Variants in FBXL17 observed in about 807,000 individuals in gnomAD.
FBXL17 encodes the protein F-box and leucine rich repeat protein 17.
Under a neutral mutation model 66.2 loss-of-function variants are expected in FBXL17, and 22 were observed. The ratio of observed to expected loss-of-function variants is 0.33; its 90% CI spans 0.24 to 0.47. The LOEUF (loss-of-function observed/expected upper bound fraction) is 0.47. Among genes scored for constraint, FBXL17 ranks in the 20% least tolerant of loss-of-function variants. The pLI is 1.00. For missense variants in FBXL17, 878 were observed against 948.2 expected, an observed-to-expected ratio of 0.93 and a Z score of 0.97; for synonymous variants, 474 against 400.5, an observed-to-expected ratio of 1.18 and a Z score of -2.19.
chr5:107,908,301 T>G (rs1749829599), intron 7 of FBXL17, among the ~76,000 whole-genome samples: 1 of 152,162 alleles, frequency 6.6e-6, no homozygotes, highest in Non-Finnish European at 1.5e-5. Flanking sequence ...TGCTAATTTC[T>G]CCAATATTCA....
At chr5:108,301,886 C>A in intron 4 of FBXL17, 1 of 276,492 alleles carries the variant, frequency 3.6e-6, no homozygotes, top group Non-Finnish European at 5.5e-6. Context: ...ATTTTTAACT[C>A]TGATAACAAT....
intron 7 of FBXL17, among the ~76,000 whole-genome samples, chr5:107,942,582 T>G (rs1404403090): frequency 6.6e-6 from 1 of 152,046 alleles, no homozygotes; most frequent in African/African-American, 2.4e-5. Flanking sequence ...GGCTGGAGCT[T>G]TTTCCACTTA....
chr5:108,018,192 T>C (rs866312582), intron 7 of FBXL17, among the ~76,000 whole-genome samples: 14 of 152,152 alleles, frequency 9.2e-5, no homozygotes, highest in Non-Finnish European at 1.6e-4. Context: ...TCTTAAAGGA[T>C]GAATTTCCCG....
At chr5:108,006,895 G>A (rs540642206) in intron 7 of FBXL17, among the ~76,000 whole-genome samples, 1 of 152,176 alleles carries the variant, frequency 6.6e-6, no homozygotes, top group African/African-American at 2.4e-5. Context: ...CTCACTGTAT[G>A]TGGGCTTCAA....
intron 7 of FBXL17, among the ~76,000 whole-genome samples, chr5:107,944,009 TCTGTGCTGTTGCATATG>T (rs1220841103): frequency 2.0e-5 from 3 of 152,188 alleles, no homozygotes; most frequent in Non-Finnish European, 4.4e-5. Context: ...ACTTTGTCCT[TCTGTGCTGTTGCATATG>T]CTGTGCATTT....
At chr5:107,952,689 A>G (rs999614081) in intron 7 of FBXL17, among the ~76,000 whole-genome samples, 23 of 152,238 alleles carry the variant, frequency 1.5e-4, no homozygotes, top group Non-Finnish European at 2.9e-4. Flanking sequence ...GGAGTAAGTA[A>G]TCAGAGATTG....
intron 4 of FBXL17, among the ~76,000 whole-genome samples, chr5:108,269,181 T>A (rs1757164618): frequency 6.6e-6 from 1 of 152,050 alleles, no homozygotes; most frequent in South Asian, 2.1e-4. Flanking sequence ...AGGAATTCCA[T>A]CTTGTGCTTT....
intron 6 of FBXL17, among the ~76,000 whole-genome samples, chr5:108,022,263 C>T (rs1223208252): frequency 6.6e-6 from 1 of 151,810 alleles, no homozygotes; most frequent in South Asian, 2.1e-4. Context: ...AAACTTAAAA[C>T]AGCAACACAA....
chr5:107,898,240 TAAACACTTTTAGTGAAAAAGGA>T (rs1749447539), intron 7 of FBXL17, among the ~76,000 whole-genome samples: 1 of 152,194 alleles, frequency 6.6e-6, no homozygotes, highest in East Asian at 1.9e-4. Context: ...ATTGGTACCA[TAAACACTTTTAGTGAAAAAGGA>T]AAACAGACAA....
chr5:107,866,804 C>G (rs1748289248), intron 8 of FBXL17, among the ~76,000 whole-genome samples: 1 of 151,814 alleles, frequency 6.6e-6, no homozygotes, highest in Non-Finnish European at 1.5e-5. Flanking sequence ...ATATTAAAAT[C>G]ACATTTAAAA....
At chr5:107,961,332 C>T (rs1751898807) in intron 7 of FBXL17, among the ~76,000 whole-genome samples, 1 of 151,872 alleles carries the variant, frequency 6.6e-6, no homozygotes. Flanking sequence ...TCAAGATATT[C>T]TCCCACCTCA....
intron 5 of FBXL17, among the ~76,000 whole-genome samples, chr5:108,223,460 C>T (rs919527297): frequency 6.6e-6 from 1 of 152,168 alleles, no homozygotes; most frequent in Non-Finnish European, 1.5e-5. Flanking sequence ...TATACAGTAA[C>T]AAATTTCAGA....
chr5:108,377,473 C>T (rs760049657), intron 1 of FBXL17, among the ~76,000 whole-genome samples: 9 of 152,234 alleles, frequency 5.9e-5, no homozygotes, highest in Admixed American at 1.3e-4. Context: ...TGTCTGACAG[C>T]GAAGCTGCTG....
chr5:108,168,180 T>C (rs1181520766), intron 6 of FBXL17, among the ~76,000 whole-genome samples: 1 of 85,334 alleles, frequency 1.2e-5, no homozygotes, highest in Non-Finnish European at 3.4e-5. Context: ...AAATAGAAAG[T>C]CAAAAGTTGT....
At chr5:108,304,126 CAAAT>C (rs1758725914) in intron 4 of FBXL17, among the ~76,000 whole-genome samples, 2 of 152,036 alleles carry the variant, frequency 1.3e-5, no homozygotes, top group South Asian at 2.1e-4. Flanking sequence ...AAATTCAAAA[CAAAT>C]AATCTATGAT....
At chr5:107,994,841 A>T (rs75049966) in intron 7 of FBXL17, among the ~76,000 whole-genome samples, 1 of 152,152 alleles carries the variant, frequency 6.6e-6, no homozygotes. Flanking sequence ...CTCCATCTCA[A>T]AAAACAAAAA....
Position 108,021,011 on chromosome 5 carries a change from AC to A in FBXL17, c.1746-11del, listed in dbSNP as rs747612535. 2 of 1,604,122 alleles carry A rather than the reference AC, an allele frequency of 1.2e-6. No homozygotes were observed. Among genetic ancestry groups the A allele is most frequent in the South Asian group, 2.2e-5 (2 of 90,754 alleles). On this transcript the variant is annotated splice_polypyrimidine_tract_variant and intron_variant, in intron 6 of 8. Transcript: ENST00000542267. ...AATGACCTCCACACACCTGAAACAT[AC>A]AAAAAGTGGTTATACTAATGCGTTT...
At chr5:107,999,277 C>T (rs982803930) in intron 7 of FBXL17, among the ~76,000 whole-genome samples, 12 of 152,038 alleles carry the variant, frequency 7.9e-5, no homozygotes, top group South Asian at 6.2e-4. Context: ...ACTAGGTCTT[C>T]GACAAATACC....
At chr5:107,946,255 T>TTTTTTATA (rs1208616623) in intron 7 of FBXL17, among the ~76,000 whole-genome samples, 1 of 40,396 alleles carries the variant, frequency 2.5e-5, no homozygotes, top group Non-Finnish European at 4.4e-5. Context: ...CAATCTCATT[T>TTTTTTATA]TATATATATA....
Sources: gnomAD v4.1 joint callset for allele counts (sites outside exome capture counted in the v4.1 genomes callset) on GRCh38, gnomAD v4.1.1 for gene constraint, MANE v1.5 for transcripts, NCBI Gene and HGNC (gene_info 2026-07-23, HGNC 2026-07-21) for gene names.